PDZD8: variants seen among roughly 807,000 people sequenced by gnomAD.
PDZD8 encodes the protein PDZ domain-containing protein 8.
A neutral mutation model predicts 85.8 loss-of-function variants in PDZD8; 14 were observed. The observed-to-expected ratio is 0.16, with a 90% CI of 0.11 to 0.26. The LOEUF is 0.26. Ranked by LOEUF, PDZD8 falls within the 10% of genes least tolerant of loss-of-function variation. The pLI, the probability that PDZD8 is intolerant of heterozygous loss-of-function variation, is 1.00. For missense variants in PDZD8, 1,197 were observed against 1,424.3 expected (o/e 0.84, Z 2.57); for synonymous variants, 592 against 568.6 (o/e 1.04, Z -0.59).
chr10:117,279,106 A>G lies in PDZD8; in HGVS notation c.*4162T>C, dbSNP rs560527241. 3.9e-5 allele frequency: 6 copies of G among 152,346 alleles called. No homozygotes were observed. Among genetic ancestry groups the G allele is most frequent in the African/African-American group, 1.4e-4 (6 of 41,572 alleles). 9.4% of individuals were successfully genotyped at this position (152,346 alleles called of 1,614,324 possible). ...CCTGCTGTTGGTCCCTCGGGATAAGATAAAATATAAATAAAACCTTCAGAA... is the reference window on the plus strand; with the variant it reads ...CCTGCTGTTGGTCCCTCGGGATAAGGTAAAATATAAATAAAACCTTCAGAA... On this transcript the variant is annotated 3_prime_UTR_variant, in exon 5 of 5. Transcript: ENST00000334464.
intron 2 of PDZD8, among the ~76,000 whole-genome samples, chr10:117,327,378 T>C (rs998437344): frequency 1.2e-4 from 19 of 152,176 alleles, no homozygotes; most frequent in African/African-American, 4.6e-4. Flanking sequence ...CAAATCAAAA[T>C]ACAGTCTCTG....
Position 117,284,794 on chromosome 10 carries a change from C to A in PDZD8, c.1939G>T (p.Ala647Ser). The change falls in exon 5 of 5, where the codon GCA (alanine) becomes TCA (serine). Residue 647 changes from alanine (A) to serine (S), a missense_variant. Coordinates refer to ENST00000334464, the MANE Select transcript of PDZD8 (RefSeq NM_173791.5). ...TGCTTTGCTAAAAATTGCTTAGGTG[C>A]AGCTGCATCGTCTATGGCATCCACA... ...KNVDAIDDAA[A>S]PKQFLAKQEV... 2 of 1,614,192 alleles carry A rather than the reference C, an allele frequency of 1.2e-6. No individual in the cohort carries two copies. The highest frequency in any genetic ancestry group is 1.7e-6 in the Non-Finnish European group (2 of 1,180,026).
intron 1 of PDZD8, among the ~76,000 whole-genome samples, chr10:117,349,707 G>A (rs1460900474): frequency 6.6e-6 from 1 of 152,170 alleles, no homozygotes; most frequent in Admixed American, 6.5e-5. Flanking sequence ...GGAGGCTGGG[G>A]CAGGAGGATC....
intron 1 of PDZD8, among the ~76,000 whole-genome samples, chr10:117,350,290 G>A (rs376407509): frequency 2.9e-4 from 42 of 144,380 alleles, no homozygotes; most frequent in Admixed American, 1.4e-3. Flanking sequence ...TTTTTGAGAC[G>A]GAGTCTTGCT....
At position 117,285,665 on chromosome 10, in the gene PDZD8, G is replaced by C. The variant is rs925527861; in HGVS notation, c.1262-194C>G. The C allele has an allele frequency of 4.2e-6, 5 of 1,189,536 alleles. No homozygotes were observed. The Admixed American group carries it at 1.1e-4, about 27-fold the overall frequency. 73.7% of individuals were successfully genotyped at this position (1,189,536 alleles called of 1,614,324 possible). A position where few individuals can be genotyped will look rare whatever the true frequency, so the allele number is the denominator to read the frequency against. Reference sequence around the variant, plus strand: ...ATCAGTGTGCTAATTCTCAAACCCTGAATGTGCTGATATCCTGGAGATGTT... The same window carrying C: ...ATCAGTGTGCTAATTCTCAAACCCTCAATGTGCTGATATCCTGGAGATGTT... On this transcript the variant is annotated intron_variant, in intron 4 of 4. Coordinates refer to ENST00000334464, the MANE Select transcript of PDZD8 (RefSeq NM_173791.5).
chr10:117,315,602 A>AC (rs72270504), intron 3 of PDZD8, among the ~76,000 whole-genome samples: 28,076 of 143,280 alleles, frequency 0.2, 3,437 homozygotes, highest in Middle Eastern at 0.33. Context: ...AAAAAAAAAA[A>AC]AAAAAAAAAA....
chr10:117,365,094 A>G (rs1421640880), intron 1 of PDZD8, among the ~76,000 whole-genome samples: 1 of 151,134 alleles, frequency 6.6e-6, no homozygotes, highest in Non-Finnish European at 1.5e-5. Context: ...TAACTTCTTT[A>G]TGCTCCTCAA....
intron 3 of PDZD8, among the ~76,000 whole-genome samples, chr10:117,304,092 A>T (rs553909879): frequency 4.6e-5 from 7 of 152,326 alleles, no homozygotes; most frequent in South Asian, 2.1e-4. Context: ...GAAAAGCCTC[A>T]GACACTCGAT....
At chr10:117,372,566 C>G (rs1222639493) in intron 1 of PDZD8, among the ~76,000 whole-genome samples, 1 of 152,206 alleles carries the variant, frequency 6.6e-6, no homozygotes, top group Non-Finnish European at 1.5e-5. Context: ...AACTTTTTCT[C>G]ATGACTTTTT....
rs1844563190 is a variant in PDZD8, at chr10:117,280,683, A to G, written c.*2585T>C. The G allele has an allele frequency of 6.6e-6, 1 of 152,200 alleles. No homozygotes were observed. Among genetic ancestry groups the G allele is most frequent in the African/African-American group, 2.4e-5 (1 of 41,450 alleles). The allele number at this position is 152,200 out of a possible 1,614,324, so 9.4% of individuals were successfully genotyped here. On this transcript the variant is annotated 3_prime_UTR_variant, in exon 5 of 5. Transcript: ENST00000334464. ...CTATGATGTCTCTACTGCCTCTCCC[A>G]GTGAAATATAAAAATATTGCACTAC...
At chr10:117,306,251 T>C (rs1453776106) in intron 3 of PDZD8, among the ~76,000 whole-genome samples, 3 of 152,182 alleles carry the variant, frequency 2.0e-5, no homozygotes, top group African/African-American at 7.2e-5. Context: ...GTAAACTCTA[T>C]TATACAAATA....
chr10:117,307,342 A>G (rs774595770), intron 3 of PDZD8, among the ~76,000 whole-genome samples: 2 of 152,064 alleles, frequency 1.3e-5, no homozygotes, highest in Non-Finnish European at 2.9e-5. Context: ...AAGTTTCTGC[A>G]AACAAATGAG....
At chr10:117,341,317 T>C (rs1398418720) in intron 1 of PDZD8, among the ~76,000 whole-genome samples, 1 of 152,124 alleles carries the variant, frequency 6.6e-6, no homozygotes, top group Non-Finnish European at 1.5e-5. Context: ...TATGCCCCCA[T>C]TGATAAGGCA....
intron 1 of PDZD8, among the ~76,000 whole-genome samples, chr10:117,372,754 A>G (rs1845215763): frequency 1.3e-5 from 2 of 152,224 alleles, no homozygotes; most frequent in African/African-American, 4.8e-5. Flanking sequence ...AAATCTATGG[A>G]AATATTTCCA....
intron 3 of PDZD8, among the ~76,000 whole-genome samples, chr10:117,318,223 T>C (rs982182188): frequency 9.9e-5 from 15 of 152,226 alleles, no homozygotes; most frequent in African/African-American, 3.6e-4. Context: ...GTCATCTCTT[T>C]AGAGTCCTAT....
intron 3 of PDZD8, among the ~76,000 whole-genome samples, chr10:117,291,778 AT>A (rs1844771111): frequency 6.6e-6 from 1 of 151,884 alleles, no homozygotes; most frequent in Non-Finnish European, 1.5e-5. Flanking sequence ...ATTTTCAGGA[AT>A]GTGGATACTA....
chr10:117,310,594 T>C (rs1844019461), intron 3 of PDZD8, among the ~76,000 whole-genome samples: 1 of 152,174 alleles, frequency 6.6e-6, no homozygotes, highest in Non-Finnish European at 1.5e-5. Flanking sequence ...GAAGAAATGT[T>C]CCATAGGATT....
chr10:117,346,489 T>G (rs1844711411), intron 1 of PDZD8, among the ~76,000 whole-genome samples: 1 of 151,472 alleles, frequency 6.6e-6, no homozygotes, highest in Admixed American at 6.6e-5. Context: ...CCTCCAGCAT[T>G]AATAATACAG....
At chr10:117,326,821 G>T (rs957392777) in intron 2 of PDZD8, among the ~76,000 whole-genome samples, 1 of 152,286 alleles carries the variant, frequency 6.6e-6, no homozygotes, top group East Asian at 1.9e-4. Flanking sequence ...TGCAGTTGCA[G>T]ACACTTCTTG....
Sources: allele counts gnomAD v4.1 joint callset (sites outside exome capture counted in the v4.1 genomes callset), GRCh38; gene constraint gnomAD v4.1.1; transcripts MANE v1.5; gene names NCBI Gene and HGNC (gene_info 2026-07-23, HGNC 2026-07-21).